The following TIMM44 variants were observed in gnomAD, a reference collection of about 807,000 sequenced individuals.
The protein encoded by TIMM44 is translocase of inner mitochondrial membrane 44.
A neutral mutation model predicts 63.8 loss-of-function variants in TIMM44; 37 were observed. The ratio of observed to expected loss-of-function variants is 0.58; its 90% confidence interval spans 0.45 to 0.76. TIMM44 has a LOEUF of 0.76. Ranked by LOEUF, TIMM44 falls within the 30% of genes least tolerant of loss-of-function variation. The probability of loss-of-function intolerance (pLI) is 0.00; values close to 1 mark genes in which losing one functional copy is unlikely to be tolerated. For synonymous variants in TIMM44, 239 were observed against 245.1 expected, an observed-to-expected ratio of 0.98 and a Z score of 0.23; for missense variants, 573 against 603.8, an observed-to-expected ratio of 0.95 and a Z score of 0.54.
Position 7,943,621 on chromosome 19 carries a change from A to G in TIMM44, c.31T>C (p.Cys11Arg). Residue 11 changes from cysteine to arginine, a missense_variant, in exon 1 of 13, where the codon TGC (cysteine) becomes CGC (arginine). Cys to Arg is a radical substitution (Grantham distance 180). Transcript: ENST00000270538. This position sits in a 1 kb window ranked among gnomAD's most constrained non-coding sequence, Gnocchi z 4.3. ...CCGCCGCTCACCCGTGGACAGCGGC[A>G]CCAGCCACTCCGCAGGGCCGCCGCC... MAAAALRSGW[C>R]RCPRRCLGSG... 6.5e-7 allele frequency: 1 copy of G among 1,548,404 alleles called. No homozygotes were observed. Among genetic ancestry groups the G allele is most frequent in the Non-Finnish European group, 8.7e-7 (1 of 1,154,314 alleles).
At position 7,934,967 on chromosome 19, in the gene TIMM44, C is replaced by G. The variant is rs1984101976; in HGVS notation, c.393+98G>C. The stretch of plus-strand genomic sequence containing the variant: ...CACGCCCCATGCCACCCACTGCTGC[C>G]AAGCCACCCCCACCCAGGAGCCGAC... On this transcript the variant is annotated intron_variant, in intron 4 of 12. Transcript: ENST00000270538. The surrounding 1 kb of genome is among the most constrained non-coding windows in gnomAD (Gnocchi z 5.3). 3.4e-6 allele frequency: 4 copies of G among 1,191,696 alleles called. No individual in the cohort carries two copies. The African/African-American group carries it at 6.1e-5, about 18-fold the overall frequency. 73.8% of individuals were successfully genotyped at this position (1,191,696 alleles called of 1,614,324 possible).
At chr19:7,930,918 G>A (rs928158344) in intron 10 of TIMM44, among the ~76,000 whole-genome samples, 22 of 152,088 alleles carry the variant, frequency 1.4e-4, no homozygotes, top group African/African-American at 3.6e-4. Context: ...CGGGTGACCC[G>A]GTGTCCAGCC....
rs1983830313 is a variant in TIMM44, at chr19:7,927,140, C to G, written c.*47G>C. On this transcript the variant is annotated 3_prime_UTR_variant, in exon 13 of 13. Transcript: ENST00000270538. ...TGCCGCAGGTGGTGTTGCGGTGCCT[C>G]TGTGCCTGATGACCCAGGCCGGGGC... The G allele has an allele frequency of 6.3e-7, 1 of 1,575,662 alleles. No homozygotes were observed. Among genetic ancestry groups the G allele is most frequent in the African/African-American group, 1.3e-5 (1 of 74,334 alleles).
chr19:7,927,367 G>C (rs538337681), intron 12 of TIMM44, 61 bp from the exon 13 acceptor site: 307 of 1,590,168 alleles, frequency 1.9e-4, no homozygotes, highest in Admixed American at 2.2e-4. Flanking sequence ...GCAGCTCTGG[G>C]GGGGGGCCAG....
chr19:7,942,465 C>T (rs2057872132), intron 1 of TIMM44, among the ~76,000 whole-genome samples: 2 of 152,000 alleles, frequency 1.3e-5, no homozygotes, highest in South Asian at 2.1e-4. Context: ...TGTGCAGGTC[C>T]TGTTCAGCTC....
rs1346626994 is a variant in TIMM44 at position 7,933,561 on chromosome 19, C to A, written c.693G>T (p.Leu231=). The change falls in exon 7 of 13, where the codon CTG becomes CTT. Residue 231 remains leucine, a synonymous_variant. Coordinates refer to ENST00000270538, the MANE Select transcript of TIMM44 (RefSeq NM_006351.4). The surrounding 1 kb of genome is among the most constrained non-coding windows in gnomAD (Gnocchi z 4.3). ...EKVFEPNEEA[L]GVVLHKDSKW... is the part of the protein sequence containing the mutation. ...TGGAGTCCTTGTGCAGCACGACCCCCAGGGCCTCCCTGGGGAAGAGGGTGG... is the reference window on the plus strand; with the variant it reads ...TGGAGTCCTTGTGCAGCACGACCCCAAGGGCCTCCCTGGGGAAGAGGGTGG... 1 of 1,613,868 alleles carries A rather than the reference C, an allele frequency of 6.2e-7. No individual in the cohort carries two copies. The highest frequency in any genetic ancestry group is 8.5e-7 in the Non-Finnish European group (1 of 1,179,954).
In TIMM44 at chr19:7,943,375, T is replaced by C. The variant is rs1232454134; in HGVS notation, c.45+232A>G. 1.3e-5 allele frequency among the ~76,000 whole-genome samples: 2 copies of C among 151,460 alleles called. No homozygotes were observed. On this transcript the variant is annotated intron_variant, in intron 1 of 12. Coordinates refer to ENST00000270538, the MANE Select transcript of TIMM44 (RefSeq NM_006351.4). The surrounding 1 kb of genome is among the most constrained non-coding windows in gnomAD (Gnocchi z 4.3). The stretch of plus-strand genomic sequence containing the variant: ...GATCAGAGGGCGAAGGGTGATCAGC[T>C]CCCTCCCAGGTCCCGCGCATCGCCG...
intron 3 of TIMM44, among the ~76,000 whole-genome samples, chr19:7,935,417 G>A (rs191020500): frequency 6.6e-5 from 10 of 152,146 alleles, no homozygotes; most frequent in East Asian, 1.9e-4. Context: ...CACCCGCCTC[G>A]GCCTCCCAAA....
rs1418822071 is a variant in TIMM44, at chr19:7,933,845, G to A, written c.683+19C>T. On this transcript the variant is annotated intron_variant, in intron 6 of 12. Coordinates refer to ENST00000270538, the MANE Select transcript of TIMM44 (RefSeq NM_006351.4). This position sits in a 1 kb window ranked among gnomAD's most constrained non-coding sequence, Gnocchi z 4.3. Reference sequence around the variant, plus strand: ...GCTGCCCAAAATGGGGGCAGCGAGGGCCACGGGCTGGTACCTACTCGTTTG... The same window carrying A: ...GCTGCCCAAAATGGGGGCAGCGAGGACCACGGGCTGGTACCTACTCGTTTG... The A allele has an allele frequency of 6.2e-7, 1 of 1,613,842 alleles. No individual in the cohort carries two copies.
At position 7,934,943 on chromosome 19, in the gene TIMM44, A is replaced by G; in HGVS notation, c.393+122T>C. The G allele has an allele frequency of 1.2e-6, 1 of 860,554 alleles. No homozygotes were observed. The highest frequency in any genetic ancestry group is 1.9e-6 in the Non-Finnish European group (1 of 524,534). 53.3% of individuals were successfully genotyped at this position (860,554 alleles called of 1,614,324 possible). ...CTGAAACCTTCCCGAGGGTGGCAGC[A>G]CGCCCCATGCCACCCACTGCTGCCA... On this transcript the variant is annotated intron_variant, in intron 4 of 12. Coordinates refer to ENST00000270538, the MANE Select transcript of TIMM44 (RefSeq NM_006351.4). This position sits in a 1 kb window ranked among gnomAD's most constrained non-coding sequence, Gnocchi z 5.3.
rs373554761 is a variant in TIMM44, at chr19:7,941,301, A to ATTTTTT, written c.46-110_46-105dup. ...CAGGGTCACCTGCAACTCACTGGCC[A>ATTTTTT]TTTTTTTTTTTTTTTTGAGACGGAG... On this transcript the variant is annotated intron_variant, in intron 1 of 12. Coordinates refer to ENST00000270538, the MANE Select transcript of TIMM44 (RefSeq NM_006351.4). The ATTTTTT allele has an allele frequency of 7.5e-6, 5 of 667,240 alleles. No homozygotes were observed. The African/African-American group carries it at 7.8e-5, about 10-fold the overall frequency. 41.3% of individuals were successfully genotyped at this position (667,240 alleles called of 1,614,324 possible). A position where few individuals can be genotyped will look rare whatever the true frequency, so the allele number is the denominator to read the frequency against.
rs138243308 is a variant in TIMM44 at position 7,938,010 on chromosome 19, G to T, written c.312+17C>A. ...TCCAGCCTGGGTGAGGGAAAAAAAA[G>T]CAGCAAAGAAACTCACGTATTTCCT... On this transcript the variant is annotated intron_variant, in intron 3 of 12. Coordinates refer to ENST00000270538, the MANE Select transcript of TIMM44 (RefSeq NM_006351.4). The T allele has an allele frequency of 4.3e-6, 7 of 1,613,800 alleles. No individual in the cohort carries two copies. The East Asian group carries it at 1.6e-4, about 36-fold the overall frequency.
intron 12 of TIMM44, 73 bp from the exon 13 acceptor site, chr19:7,927,379 C>T: frequency 6.4e-7 from 1 of 1,571,048 alleles, no homozygotes; most frequent in Non-Finnish European, 8.7e-7. Flanking sequence ...GGGGGCCAGG[C>T]TCTGTGGGGC....
At position 7,933,149 on chromosome 19, in the gene TIMM44, C is replaced by G. The variant is rs545055264; in HGVS notation, c.770-217G>C. Among the ~76,000 whole-genome samples the G allele has an allele frequency of 3.3e-5, 5 of 152,146 alleles. No homozygotes were observed. Among genetic ancestry groups the G allele is most frequent in the African/African-American group, 4.8e-5 (2 of 41,426 alleles). On this transcript the variant is annotated intron_variant, in intron 7 of 12. Coordinates refer to ENST00000270538, the MANE Select transcript of TIMM44 (RefSeq NM_006351.4). This position sits in a 1 kb window ranked among gnomAD's most constrained non-coding sequence, Gnocchi z 4.3. ...GCGCAGAGGCCCCTCAGCTGCGGCCCTAATGGGGCTGTGTAAGTTATGGGC... is the reference window on the plus strand; with the variant it reads ...GCGCAGAGGCCCCTCAGCTGCGGCCGTAATGGGGCTGTGTAAGTTATGGGC...
intron 2 of TIMM44, among the ~76,000 whole-genome samples, chr19:7,938,800 C>G (rs943948520): frequency 6.6e-6 from 1 of 151,846 alleles, no homozygotes; most frequent in South Asian, 2.1e-4. Flanking sequence ...GAGCGAGACT[C>G]CATCTCAAAT....
In TIMM44 at chr19:7,933,826, CA is replaced by C; in HGVS notation, c.683+37del. Reference sequence around the variant, plus strand: ...GAAATGGACAGCAGTGAAAGCTGCCCAAAATGGGGGCAGCGAGGGCCACGGG... The same window carrying C: ...GAAATGGACAGCAGTGAAAGCTGCCCAAATGGGGGCAGCGAGGGCCACGGG... On this transcript the variant is annotated intron_variant, in intron 6 of 12. Coordinates refer to ENST00000270538, the MANE Select transcript of TIMM44 (RefSeq NM_006351.4). The surrounding 1 kb of genome is among the most constrained non-coding windows in gnomAD (Gnocchi z 4.3). 6.2e-7 allele frequency: 1 copy of C among 1,613,078 alleles called. No individual in the cohort carries two copies. The highest frequency in any genetic ancestry group is 8.5e-7 in the Non-Finnish European group (1 of 1,179,994).
Position 7,928,050 on chromosome 19 carries a change from C to T in TIMM44, c.1128+27G>A, listed in dbSNP as rs149261738. ...CCATAGTTCCCACCCCCGATGGTGG[C>T]CCGGGCCCCCACTGCGAGGTGCTTA... On this transcript the variant is annotated intron_variant, in intron 11 of 12. Transcript: ENST00000270538. 5.8e-4 allele frequency: 929 copies of T among 1,603,812 alleles called. 4 individuals carry two copies. In the East Asian group the frequency reaches 9.6e-3, roughly 17 times the overall value.
intron 4 of TIMM44, 24 bp downstream of exon 4, chr19:7,935,035 AGCGGCT>A: frequency 6.3e-7 from 1 of 1,598,860 alleles, no homozygotes. Context: ...TGATGGCCCC[AGCGGCT>A]CCAGGCGGGC....
At chr19:7,935,210 G>T in intron 3 of TIMM44, 65 bp from the exon 4 acceptor site, 1 of 1,414,408 alleles carries the variant, frequency 7.1e-7, no homozygotes, top group Non-Finnish European at 9.7e-7. Flanking sequence ...CCGTTGCCGA[G>T]GCTGGAGTAC....
Sources: gnomAD v4.1 joint callset for allele counts (sites outside exome capture counted in the v4.1 genomes callset) on GRCh38, gnomAD v4.1.1 for gene constraint, Gnocchi (gnomAD v3.1) non-coding constraint, MANE v1.5 for transcripts, NCBI Gene and HGNC (gene_info 2026-07-23, HGNC 2026-07-21) for gene names.